Variants in MYO1B observed in about 807,000 individuals in gnomAD.
MYO1B encodes myosin IB.
Under a neutral mutation model 159.7 loss-of-function variants are expected in MYO1B, and 72 were observed. That is an observed-to-expected ratio of 0.45 (90% CI 0.37 to 0.55). MYO1B has a LOEUF of 0.55. Ranked by LOEUF, MYO1B falls within the 20% of genes least tolerant of loss-of-function variation. The pLI, the probability that MYO1B is intolerant of heterozygous loss-of-function variation, is 0.00. For synonymous variants in MYO1B, 468 were observed against 473.8 expected (o/e 0.99, Z 0.16); for missense variants, 1,062 against 1,364.8 (o/e 0.78, Z 3.50).
At chr2:191,307,609 C>T (rs1689728110) in intron 3 of MYO1B, among the ~76,000 whole-genome samples, 1 of 152,110 alleles carries the variant, frequency 6.6e-6, no homozygotes, top group South Asian at 2.1e-4. Flanking sequence ...TCAGTTCTGA[C>T]ACTAACTACA....
intron 3 of MYO1B, among the ~76,000 whole-genome samples, chr2:191,327,874 C>T (rs1410346336): frequency 6.6e-6 from 1 of 152,128 alleles, no homozygotes; most frequent in African/African-American, 2.4e-5. Context: ...AACAAATGCA[C>T]TTAGAGTATA....
chr2:191,397,429 C>A (rs1320464584), intron 21 of MYO1B, among the ~76,000 whole-genome samples: 1 of 151,346 alleles, frequency 6.6e-6, no homozygotes, highest in Non-Finnish European at 1.5e-5. Flanking sequence ...ATCTGTTTAA[C>A]AAAGCACATC....
chr2:191,257,368 T>C (rs1230911314), intron 1 of MYO1B, among the ~76,000 whole-genome samples: 2 of 152,216 alleles, frequency 1.3e-5, no homozygotes, highest in African/African-American at 4.8e-5. Context: ...GTTAAATTTT[T>C]CCTCTTTGCC....
chr2:191,376,713 G>A (rs539398132), intron 13 of MYO1B, among the ~76,000 whole-genome samples: 6 of 152,174 alleles, frequency 3.9e-5, no homozygotes, highest in South Asian at 2.1e-4. Context: ...TGGACTGCTC[G>A]CTGTTTCAAA....
At chr2:191,400,305 T>G in intron 21 of MYO1B, 77 bp from the exon 22 acceptor site, 2 of 1,488,304 alleles carry the variant, frequency 1.3e-6, no homozygotes, top group South Asian at 2.3e-5. Context: ...CGATCATCTC[T>G]TCAGGTTTTT....
intron 9 of MYO1B, among the ~76,000 whole-genome samples, chr2:191,363,511 G>T (rs1693806904): frequency 6.6e-6 from 1 of 152,004 alleles, no homozygotes; most frequent in Non-Finnish European, 1.5e-5. Flanking sequence ...CCAGCCTCCT[G>T]TTTCTTCTGT....
At chr2:191,397,568 A>C (rs1696197356) in intron 21 of MYO1B, among the ~76,000 whole-genome samples, 1 of 151,420 alleles carries the variant, frequency 6.6e-6, no homozygotes, top group South Asian at 2.1e-4. Flanking sequence ...ACAGAACAAA[A>C]TGAAAAGTCT....
chr2:191,338,186 T>C (rs1691981604), intron 4 of MYO1B, among the ~76,000 whole-genome samples: 1 of 152,120 alleles, frequency 6.6e-6, no homozygotes, highest in Non-Finnish European at 1.5e-5. Context: ...AGTGTGATTT[T>C]TTTTTTTGGA....
intron 12 of MYO1B, 57 bp from the exon 13 acceptor site, chr2:191,370,170 G>A: frequency 9.4e-7 from 1 of 1,058,780 alleles, no homozygotes; most frequent in East Asian, 2.4e-5. Context: ...TTCCTTGGAT[G>A]CTTGTAGTGT....
At chr2:191,311,453 G>A (rs939586420) in intron 3 of MYO1B, among the ~76,000 whole-genome samples, 1 of 152,154 alleles carries the variant, frequency 6.6e-6, no homozygotes, top group South Asian at 2.1e-4. Context: ...CATGAAGGAT[G>A]GGTCACTAAG....
intron 2 of MYO1B, among the ~76,000 whole-genome samples, chr2:191,277,822 C>T (rs1436204794): frequency 2.6e-5 from 4 of 152,128 alleles, no homozygotes; most frequent in Non-Finnish European, 5.9e-5. Context: ...TTTTAGTGGA[C>T]TCTGCCTCAC....
chr2:191,289,064 T>G (rs1228016327), intron 2 of MYO1B, among the ~76,000 whole-genome samples: 1 of 152,240 alleles, frequency 6.6e-6, no homozygotes, highest in Admixed American at 6.5e-5. Flanking sequence ...TACGATTGAA[T>G]CTTTTCTGGT....
Position 191,409,205 on chromosome 2 carries a change from C to T in MYO1B, c.2766+27C>T, listed in dbSNP as rs552879457. 55 of 1,589,416 alleles carry T rather than the reference C, an allele frequency of 3.5e-5. No homozygotes were observed. The Admixed American group carries it at 5.1e-4, about 15-fold the overall frequency. On this transcript the variant is annotated intron_variant, in intron 26 of 30. Transcript: ENST00000392318. ...TAAAAAATGTCATATTACATCTTTTCGGAGACTTTCTTATTTATTTTGAGT... is the reference window on the plus strand; with the variant it reads ...TAAAAAATGTCATATTACATCTTTTTGGAGACTTTCTTATTTATTTTGAGT...
chr2:191,355,858 A>G (rs1015755595), intron 7 of MYO1B, among the ~76,000 whole-genome samples: 2 of 152,184 alleles, frequency 1.3e-5, no homozygotes, highest in Non-Finnish European at 2.9e-5. Context: ...CCCTCCTCAC[A>G]ATGGAGATGG....
intron 1 of MYO1B, among the ~76,000 whole-genome samples, chr2:191,265,544 G>A (rs1687084014): frequency 6.6e-6 from 1 of 152,132 alleles, no homozygotes; most frequent in South Asian, 2.1e-4. Context: ...ATTCAATTCA[G>A]TAATCACCAG....
At chr2:191,294,797 T>C (rs1216428107) in intron 2 of MYO1B, among the ~76,000 whole-genome samples, 1 of 141,282 alleles carries the variant, frequency 7.1e-6, no homozygotes, top group Non-Finnish European at 1.5e-5. Flanking sequence ...AAAGTGTGTT[T>C]ATATATATAT....
chr2:191,248,048 T>A, intron 1 of MYO1B: 1 of 984,168 alleles, frequency 1.0e-6, no homozygotes, highest in Non-Finnish European at 1.2e-6. Flanking sequence ...ATCTTCAGCA[T>A]GTAGCATCCA....
chr2:191,410,400 C>T (rs2126164323), intron 26 of MYO1B, among the ~76,000 whole-genome samples: 1 of 152,286 alleles, frequency 6.6e-6, no homozygotes, highest in South Asian at 2.1e-4. Flanking sequence ...TCTAAAAAAC[C>T]TGGCCCTGCT....
intron 24 of MYO1B, among the ~76,000 whole-genome samples, chr2:191,406,219 C>T (rs1321384041): frequency 6.6e-6 from 1 of 152,206 alleles, no homozygotes; most frequent in Non-Finnish European, 1.5e-5. Flanking sequence ...TTAGGCATTG[C>T]TTAGAGGATA....
Sources: gnomAD v4.1 joint callset for allele counts (sites outside exome capture counted in the v4.1 genomes callset) on GRCh38, gnomAD v4.1.1 for gene constraint, MANE v1.5 for transcripts, NCBI Gene and HGNC (gene_info 2026-07-23, HGNC 2026-07-21) for gene names.